Variants in COL5A2 observed in about 807,000 individuals in gnomAD.
COL5A2 encodes the protein collagen alpha-2(V) chain.
A neutral mutation model predicts 208.2 loss-of-function variants in COL5A2; 23 were observed. That is an observed-to-expected ratio of 0.11 (90% confidence interval 0.08 to 0.16). The LOEUF is 0.16. COL5A2 is among the 10% of genes least tolerant of loss of function. The pLI, the probability that COL5A2 is intolerant of heterozygous loss-of-function variation, is 1.00. For synonymous variants in COL5A2, 625 were observed against 628.5 expected (o/e 0.99, Z 0.08); for missense variants, 1,590 against 1,956.4 (o/e 0.81, Z 3.53).
chr2:189,236,842 C>G, the COL5A2 span, among the ~76,000 whole-genome samples: 2 of 151,774 alleles, frequency 1.3e-5, no homozygotes, highest in Non-Finnish European at 1.5e-5. Flanking sequence ...TTAATGATAA[C>G]TTATGATAAT....
chr2:189,141,944 T>C (rs182029286), intron 1 of COL5A2, among the ~76,000 whole-genome samples: 4 of 152,304 alleles, frequency 2.6e-5, no homozygotes, highest in African/African-American at 9.6e-5. Flanking sequence ...AGATGTTTTA[T>C]GGATAGTAAT....
At chr2:189,297,436 G>C in the COL5A2 span, among the ~76,000 whole-genome samples, 87 of 152,166 alleles carry the variant, frequency 5.7e-4, 1 homozygote, top group South Asian at 0.018. Flanking sequence ...TGACATGCTA[G>C]TACCAAAATA....
chr2:189,075,588 T>C (rs1221956003), intron 16 of COL5A2, 151 bp from the exon 17 acceptor site: 6 of 630,892 alleles, frequency 9.5e-6, no homozygotes, highest in African/African-American at 1.9e-5. Flanking sequence ...AATAGCAATA[T>C]AAATACATTT....
intron 1 of COL5A2, among the ~76,000 whole-genome samples, chr2:189,135,542 C>T (rs191142644): frequency 1.3e-3 from 197 of 152,284 alleles, no homozygotes; most frequent in African/African-American, 4.1e-3. Flanking sequence ...AAAGATAATA[C>T]TCCACATGGC....
At chr2:189,353,954 G>A in the COL5A2 span, among the ~76,000 whole-genome samples, 2 of 152,094 alleles carry the variant, frequency 1.3e-5, no homozygotes, top group African/African-American at 2.4e-5. Flanking sequence ...TTTGAGATAC[G>A]TTCCATCAAT....
At chr2:189,380,692 GAAAAT>G in the COL5A2 span, among the ~76,000 whole-genome samples, 1 of 151,700 alleles carries the variant, frequency 6.6e-6, no homozygotes, top group African/African-American at 2.4e-5. Flanking sequence ...CATTCACGGA[GAAAAT>G]AAAATAAGTC....
chr2:189,040,596 C>T (rs1014748681), intron 50 of COL5A2, among the ~76,000 whole-genome samples: 12 of 152,116 alleles, frequency 7.9e-5, no homozygotes, highest in African/African-American at 2.9e-4. Flanking sequence ...TTATATGGCT[C>T]CAGACAAGTT....
At chr2:189,169,217 A>T (rs1051777169) in intron 1 of COL5A2, among the ~76,000 whole-genome samples, 2 of 152,292 alleles carry the variant, frequency 1.3e-5, no homozygotes, top group East Asian at 3.9e-4. Flanking sequence ...TAGTTTCACA[A>T]ACTAAACTCT....
upstream of COL5A2, among the ~76,000 whole-genome samples, chr2:189,184,706 T>C (rs1281879816): frequency 6.6e-6 from 1 of 152,218 alleles, no homozygotes; most frequent in Non-Finnish European, 1.5e-5. Flanking sequence ...TATTCCAGGA[T>C]AGTTTCCCTC....
intron 8 of COL5A2, among the ~76,000 whole-genome samples, chr2:189,087,835 C>A (rs1686697849): frequency 6.8e-6 from 1 of 147,422 alleles, no homozygotes. Context: ...GTAAGAAAAG[C>A]TCCATTTAAA....
At chr2:189,149,026 C>T (rs1164272575) in intron 1 of COL5A2, among the ~76,000 whole-genome samples, 1 of 152,074 alleles carries the variant, frequency 6.6e-6, no homozygotes, top group African/African-American at 2.4e-5. Flanking sequence ...TGTAATCCCA[C>T]CCACTGGGGA....
chr2:189,208,981 C>T (rs1435887825), intron 1 of COL5A2, among the ~76,000 whole-genome samples: 1 of 152,202 alleles, frequency 6.6e-6, no homozygotes, highest in Non-Finnish European at 1.5e-5. Context: ...CAACTGGCCT[C>T]ATCTGGCCCC....
At chr2:189,192,660 A>C (rs1382470750) in intron 1 of COL5A2, among the ~76,000 whole-genome samples, 1 of 152,226 alleles carries the variant, frequency 6.6e-6, no homozygotes, top group Non-Finnish European at 1.5e-5. Context: ...TTAAGTATGA[A>C]CAATATGAAG....
chr2:189,384,430 T>C, the COL5A2 span, among the ~76,000 whole-genome samples: 10 of 152,266 alleles, frequency 6.6e-5, no homozygotes, highest in African/African-American at 2.4e-4. Flanking sequence ...ATCTTCCGTC[T>C]TTTTGATAAA....
At chr2:189,198,704 C>G (rs73980181) in intron 1 of COL5A2, among the ~76,000 whole-genome samples, 7 of 142,718 alleles carry the variant, frequency 4.9e-5, no homozygotes, top group African/African-American at 1.7e-4. Context: ...GTGTGAAAAT[C>G]AACTCTGTAC....
At chr2:189,135,940 A>C (rs562610131) in intron 1 of COL5A2, among the ~76,000 whole-genome samples, 5 of 152,166 alleles carry the variant, frequency 3.3e-5, no homozygotes, top group African/African-American at 1.2e-4. Context: ...GAAACAAGAG[A>C]GTGTTATTGC....
chr2:189,240,422 T>C, the COL5A2 span, among the ~76,000 whole-genome samples: 1 of 152,180 alleles, frequency 6.6e-6, no homozygotes, highest in Non-Finnish European at 1.5e-5. Context: ...TGATCTAATC[T>C]AACCCCAGTT....
intron 5 of COL5A2, chr2:189,097,587 ATAGAT>A: frequency 1.5e-6 from 1 of 648,730 alleles, no homozygotes; most frequent in Non-Finnish European, 2.8e-6. Flanking sequence ...AGTGAGCTAA[ATAGAT>A]TAGCTTGACT....
chr2:189,287,960 C>T, the COL5A2 span, among the ~76,000 whole-genome samples: 1 of 152,070 alleles, frequency 6.6e-6, no homozygotes, highest in Non-Finnish European at 1.5e-5. Context: ...TGTGCCCAAA[C>T]TATTCAAGGA....
Sources: gnomAD v4.1 joint callset for allele counts (sites outside exome capture counted in the v4.1 genomes callset) on GRCh38, gnomAD v4.1.1 for gene constraint, MANE v1.5 for transcripts, NCBI Gene and HGNC (gene_info 2026-07-23, HGNC 2026-07-21) for gene names.